The following PCDH15 variants were observed in gnomAD, a reference collection of about 807,000 sequenced individuals.
The protein encoded by PCDH15 is protocadherin-15.
In PCDH15, 129 loss-of-function variants were observed where a neutral mutation model predicts 178.5. The observed-to-expected ratio is 0.72, with a 90% CI of 0.63 to 0.84. The LOEUF (loss-of-function observed/expected upper bound fraction) is 0.84. Among genes scored for constraint, PCDH15 ranks in the 40% least tolerant of loss-of-function variants. The probability of loss-of-function intolerance (pLI) is 0.00; values close to 1 mark genes in which losing one functional copy is unlikely to be tolerated. For synonymous variants in PCDH15, 800 were observed against 732.0 expected (o/e 1.09, Z -1.50); for missense variants, 2,230 against 2,099.9 (o/e 1.06, Z -1.21).
chr10:53,997,001 C>T (rs955344916), intron 20 of PCDH15, among the ~76,000 whole-genome samples: 1 of 152,084 alleles, frequency 6.6e-6, no homozygotes, highest in African/African-American at 2.4e-5. Context: ...TCAAACTTCT[C>T]TTTTTGCAAA....
intron 2 of PCDH15, among the ~76,000 whole-genome samples, chr10:54,589,602 G>A (rs1260455072): frequency 6.6e-6 from 1 of 152,068 alleles, no homozygotes. Context: ...ATTTGTGTGT[G>A]TTATTCATTG....
intron 25 of PCDH15, among the ~76,000 whole-genome samples, chr10:53,926,647 C>A (rs1357408025): frequency 2.6e-5 from 4 of 152,172 alleles, no homozygotes; most frequent in Admixed American, 1.3e-4. Flanking sequence ...AACCAAGCTG[C>A]ACCTCAACCA....
At chr10:55,409,778 T>C (rs980090866) in intron 2 of PCDH15, among the ~76,000 whole-genome samples, 5 of 152,176 alleles carry the variant, frequency 3.3e-5, no homozygotes, top group African/African-American at 1.2e-4. Flanking sequence ...CAGGGACATA[T>C]ATTAAGACAT....
At chr10:53,843,251 T>C (rs2077768461) in intron 28 of PCDH15, among the ~76,000 whole-genome samples, 2 of 152,180 alleles carry the variant, frequency 1.3e-5, no homozygotes, top group Admixed American at 1.3e-4. Context: ...TGCTTCTGTA[T>C]CTTTTTCTTA....
At chr10:54,451,500 T>G (rs1403407068) in intron 3 of PCDH15, among the ~76,000 whole-genome samples, 3 of 151,936 alleles carry the variant, frequency 2.0e-5, no homozygotes, top group Non-Finnish European at 4.4e-5. Flanking sequence ...AAAGTTAAAC[T>G]AAAAATTATT....
intron 1 of PCDH15, among the ~76,000 whole-genome samples, chr10:54,775,363 CAT>C (rs1284579758): frequency 2.6e-5 from 4 of 152,092 alleles, no homozygotes; most frequent in Non-Finnish European, 1.5e-5. Flanking sequence ...TTTATTGACA[CAT>C]AATAGTTATA....
intron 2 of PCDH15, among the ~76,000 whole-genome samples, chr10:54,967,881 CTG>C (rs556201221): frequency 9.7e-4 from 147 of 152,248 alleles, no homozygotes; most frequent in African/African-American, 3.4e-3. Flanking sequence ...GGACTTTCTT[CTG>C]TGTGTGCACC....
chr10:55,569,785 CTCAT>C (rs1028434917), intron 2 of PCDH15, among the ~76,000 whole-genome samples: 8 of 151,896 alleles, frequency 5.3e-5, no homozygotes, highest in African/African-American at 1.7e-4. Flanking sequence ...TTAATGTAAA[CTCAT>C]TCAGAGTAAT....
intron 23 of PCDH15, 27 bp downstream of exon 23, chr10:53,959,705 A>G: frequency 6.5e-7 from 1 of 1,544,198 alleles, no homozygotes; most frequent in African/African-American, 1.4e-5. Context: ...CATTTCGTGT[A>G]TTTCAAAATC....
At chr10:54,905,408 G>A (rs1954702411) in intron 2 of PCDH15, among the ~76,000 whole-genome samples, 1 of 152,066 alleles carries the variant, frequency 6.6e-6, no homozygotes, top group Non-Finnish European at 1.5e-5. Context: ...GATAAATTAT[G>A]AGATAAATTC....
At chr10:54,872,656 G>T (rs1564589884) in intron 3 of PCDH15, among the ~76,000 whole-genome samples, 1 of 151,936 alleles carries the variant, frequency 6.6e-6, no homozygotes, top group Non-Finnish European at 1.5e-5. Context: ...GGTAAAGAGG[G>T]TACAAACCAT....
intron 2 of PCDH15, among the ~76,000 whole-genome samples, chr10:54,642,035 C>A (rs909846678): frequency 1.3e-5 from 2 of 151,894 alleles, no homozygotes; most frequent in Admixed American, 1.3e-4. Context: ...TAACTCCCCC[C>A]ACCCATAATT....
chr10:53,822,125 T>C lies in PCDH15; in HGVS notation c.4368-1895A>G, dbSNP rs2076310945. On this transcript the variant is annotated intron_variant, in intron 32 of 37. Coordinates refer to ENST00000644397, the MANE Select transcript of PCDH15 (RefSeq NM_001384140.1). ...GAGGGTCTGTTTTACACACTGTCGT[T>C]GTTGATAGCTGTGTCATAGAGGACT... 1 of 1,597,022 alleles carries C rather than the reference T, an allele frequency of 6.3e-7. No homozygotes were observed. The highest frequency in any genetic ancestry group is 1.6e-5 in the African/African-American group (1 of 62,314).
chr10:55,313,580 C>T (rs181678299), intron 1 of PCDH15, among the ~76,000 whole-genome samples: 1 of 152,188 alleles, frequency 6.6e-6, no homozygotes, highest in Admixed American at 6.5e-5. Context: ...GACAATTAAT[C>T]TTTGAATTAT....
At chr10:54,580,929 T>A (rs1389117621) in intron 2 of PCDH15, among the ~76,000 whole-genome samples, 1 of 152,026 alleles carries the variant, frequency 6.6e-6, no homozygotes, top group East Asian at 1.9e-4. Context: ...ACTTAAAAAA[T>A]GAGTCACCAA....
At chr10:54,435,927 G>T (rs1260253917) in intron 3 of PCDH15, among the ~76,000 whole-genome samples, 1 of 151,546 alleles carries the variant, frequency 6.6e-6, no homozygotes, top group Non-Finnish European at 1.5e-5. Context: ...CCGAGATCGT[G>T]CCACTGCACT....
At chr10:54,767,951 G>A (rs1948699285) in intron 1 of PCDH15, among the ~76,000 whole-genome samples, 7 of 152,086 alleles carry the variant, frequency 4.6e-5, no homozygotes, top group Admixed American at 3.3e-4. Context: ...ATGAATTTCA[G>A]TTAATAATAA....
chr10:55,251,395 G>A (rs1440249687), intron 1 of PCDH15, among the ~76,000 whole-genome samples: 1 of 152,074 alleles, frequency 6.6e-6, no homozygotes, highest in Non-Finnish European at 1.5e-5. Context: ...ATGTCAAACA[G>A]TAATCTGGTT....
chr10:54,423,172 T>C (rs1015952587), intron 3 of PCDH15, among the ~76,000 whole-genome samples: 1 of 152,088 alleles, frequency 6.6e-6, no homozygotes, highest in African/African-American at 2.4e-5. Context: ...CACCAGGCCA[T>C]ATTTACAGTC....
Sources: allele counts gnomAD v4.1 joint callset (sites outside exome capture counted in the v4.1 genomes callset), GRCh38; gene constraint gnomAD v4.1.1; transcripts MANE v1.5; gene names NCBI Gene and HGNC (gene_info 2026-07-23, HGNC 2026-07-21).